The following DDX11 variants were observed in gnomAD, a reference collection of about 807,000 sequenced individuals.
The protein encoded by DDX11 is DEAD/H-box helicase 11.
In DDX11, 72 loss-of-function variants were observed where a neutral mutation model predicts 125.2. The observed-to-expected ratio is 0.58, with a 90% CI of 0.48 to 0.70. The LOEUF is 0.70. DDX11 is among the 30% of genes least tolerant of loss of function. DDX11 has a pLI of 0.00. For synonymous variants in DDX11, 347 were observed against 452.6 expected, an observed-to-expected ratio of 0.77 and a Z score of 2.96; for missense variants, 883 against 1,165.0, an observed-to-expected ratio of 0.76 and a Z score of 3.52.
At chr12:31,078,220 C>A (rs1226125482) in intron 1 of DDX11, 170 bp from the exon 2 acceptor site, 9 of 1,542,376 alleles carry the variant, frequency 5.8e-6, no homozygotes, top group Non-Finnish European at 7.9e-6. Flanking sequence ...CTGGTATGGC[C>A]TCACGTGGAC....
At position 31,085,034 on chromosome 12, in the gene DDX11, G is replaced by T; in HGVS notation, c.546G>T (p.Pro182=). The change falls in exon 5 of 27, where the codon CCG becomes CCT. Residue 182 remains proline (P), a synonymous_variant. Transcript: ENST00000542838. ...GCAGGGAGATGCTAGAGACAGGCCCGGAGGCTGAGCGGCTGGAGCAGCTGG... is the reference window on the plus strand; with the variant it reads ...GCAGGGAGATGCTAGAGACAGGCCCTGAGGCTGAGCGGCTGGAGCAGCTGG... ...RLSREMLETG[P]EAERLEQLES... is the part of the protein sequence containing the mutation. The T allele has an allele frequency of 6.2e-7, 1 of 1,611,688 alleles. No homozygotes were observed. Among genetic ancestry groups the T allele is most frequent in the Non-Finnish European group, 8.5e-7 (1 of 1,178,804 alleles).
chr12:31,079,678 G>A (rs1429644734), intron 2 of DDX11, among the ~76,000 whole-genome samples: 2 of 151,964 alleles, frequency 1.3e-5, no homozygotes, highest in East Asian at 3.9e-4. Context: ...GTTAAGATGG[G>A]CAGTCTCACT....
intron 23 of DDX11, 103 bp from the exon 24 acceptor site, chr12:31,102,833 C>T (rs1203862819): frequency 1.5e-5 from 14 of 932,402 alleles, no homozygotes; most frequent in Admixed American, 4.4e-5. Context: ...TGATCACAGT[C>T]GGAGAGGCTG....
In DDX11 at chr12:31,101,947, G is replaced by A; in HGVS notation, c.2167G>A (p.Gly723Ser). The A allele has an allele frequency of 1.2e-6, 2 of 1,613,536 alleles. No homozygotes were observed. Among genetic ancestry groups the A allele is most frequent in the Non-Finnish European group, 1.7e-6 (2 of 1,179,796 alleles). Residue 723 changes from glycine to serine, a missense_variant, in exon 21 of 27, where the codon GGT (glycine) becomes AGT (serine). Transcript: ENST00000542838. ...CCAGGTCCATGCCCACTGGGAGAAG[G>A]GTGGCCTGCTGGGCCGTCTGGCTGC... Reference protein sequence around the residue: ...LRQVHAHWEKGGLLGRLAARK... With the variant: ...LRQVHAHWEKSGLLGRLAARK...
rs529982959 is a variant in DDX11, at chr12:31,074,646, G to C, written c.-5+555G>C. Reference sequence around the variant, plus strand: ...ACGTTGGAGGGGACACAGGGCCAGAGCAAGGTGGGAATGCGGGTATTATGG... The same window carrying C: ...ACGTTGGAGGGGACACAGGGCCAGACCAAGGTGGGAATGCGGGTATTATGG... On this transcript the variant is annotated intron_variant, in intron 1 of 26. Transcript: ENST00000542838. Among the ~76,000 whole-genome samples the C allele has an allele frequency of 7.2e-5, 11 of 152,362 alleles. No homozygotes were observed. In the South Asian group the frequency reaches 2.3e-3, roughly 32 times the overall value.
At chr12:31,102,555 G>A in intron 23 of DDX11, 28 bp downstream of exon 23, 1 of 1,604,574 alleles carries the variant, frequency 6.2e-7, no homozygotes, top group Non-Finnish European at 8.5e-7. Context: ...TCGTCTCCTG[G>A]GCCGTGATAC....
chr12:31,095,233 C>T (rs1945017350), intron 14 of DDX11, among the ~76,000 whole-genome samples: 1 of 152,228 alleles, frequency 6.6e-6, no homozygotes, highest in Non-Finnish European at 1.5e-5. Flanking sequence ...ACCCAGCGCT[C>T]CCCAGATGAA....
At chr12:31,102,584 C>T (rs1276687820) in intron 23 of DDX11, 57 bp downstream of exon 23, 1 of 1,530,018 alleles carries the variant, frequency 6.5e-7, no homozygotes, top group Admixed American at 1.7e-5. Context: ...CCCTCACTCC[C>T]AGCAGCTGGG....
At chr12:31,101,722 T>G in intron 20 of DDX11, 111 bp from the exon 21 acceptor site, 1 of 1,488,786 alleles carries the variant, frequency 6.7e-7, no homozygotes, top group Non-Finnish European at 9.3e-7. Flanking sequence ...TTGGCTGTAG[T>G]CCTGCCGAGG....
At chr12:31,076,463 C>T (rs1940737501) in intron 1 of DDX11, among the ~76,000 whole-genome samples, 1 of 118,642 alleles carries the variant, frequency 8.4e-6, no homozygotes, top group Non-Finnish European at 1.7e-5. Context: ...CAGTGAACCT[C>T]CCTTCACTTA....
intron 1 of DDX11, among the ~76,000 whole-genome samples, chr12:31,074,546 G>A (rs7305885): frequency 6.6e-6 from 1 of 152,088 alleles, no homozygotes; most frequent in South Asian, 2.1e-4. Flanking sequence ...ATTGTTGACG[G>A]AAGTGTCATA....
intron 1 of DDX11, among the ~76,000 whole-genome samples, chr12:31,076,536 G>A (rs1380776619): frequency 1.3e-5 from 2 of 152,248 alleles, no homozygotes; most frequent in South Asian, 4.1e-4. Flanking sequence ...ACCTGGATTC[G>A]AATCCCTGGT....
intron 20 of DDX11, chr12:31,101,604 G>A: frequency 1.7e-6 from 1 of 592,636 alleles, no homozygotes; most frequent in Non-Finnish European, 3.0e-6. Flanking sequence ...CGCTAGTGCT[G>A]TGACATGTGT....
intron 20 of DDX11, 98 bp downstream of exon 20, chr12:31,101,228 G>A: frequency 3.7e-6 from 4 of 1,080,218 alleles, no homozygotes; most frequent in Non-Finnish European, 5.7e-6. Flanking sequence ...TGTTTTCAGT[G>A]TTGGGGAAAT....
At chr12:31,075,748 C>A (rs1253742244) in intron 1 of DDX11, among the ~76,000 whole-genome samples, 1 of 152,206 alleles carries the variant, frequency 6.6e-6, no homozygotes, top group Non-Finnish European at 1.5e-5. Context: ...GCACCTAGTT[C>A]TGAGTCCTGG....
intron 2 of DDX11, among the ~76,000 whole-genome samples, chr12:31,080,956 G>A (rs981850124): frequency 7.9e-5 from 12 of 152,038 alleles, no homozygotes; most frequent in African/African-American, 1.9e-4. Flanking sequence ...TGCTCAGGCC[G>A]GTGGTCTTAA....
chr12:31,083,263 T>G (rs1942338332), intron 2 of DDX11, among the ~76,000 whole-genome samples: 1 of 148,232 alleles, frequency 6.7e-6, no homozygotes. Flanking sequence ...TAGCAAGACC[T>G]CCTCTCAAAA....
intron 18 of DDX11, among the ~76,000 whole-genome samples, chr12:31,098,917 G>A (rs1227413071): frequency 6.6e-6 from 1 of 151,906 alleles, no homozygotes; most frequent in African/African-American, 2.4e-5. Flanking sequence ...TCCCCACACT[G>A]GATTGATTCA....
rs556592472 is a variant in DDX11, at chr12:31,079,331, G to A, written c.144+794G>A. On this transcript the variant is annotated intron_variant, in intron 2 of 26. Coordinates refer to ENST00000542838, the MANE Select transcript of DDX11 (RefSeq NM_030653.4). Reference sequence around the variant, plus strand: ...TTCCATACAGATAACTCCTGTCTTAGTCGGCCAGGACTGCCATAGTAAAAT... The same window carrying A: ...TTCCATACAGATAACTCCTGTCTTAATCGGCCAGGACTGCCATAGTAAAAT... Among the ~76,000 whole-genome samples the A allele has an allele frequency of 2.0e-3, 299 of 146,660 alleles. 1 individual carries two copies. The highest frequency in any genetic ancestry group is 3.5e-3 in the Non-Finnish European group (235 of 67,370).
Sources: gnomAD v4.1 joint callset for allele counts (sites outside exome capture counted in the v4.1 genomes callset) on GRCh38, gnomAD v4.1.1 for gene constraint, MANE v1.5 for transcripts, NCBI Gene and HGNC (gene_info 2026-07-23, HGNC 2026-07-21) for gene names.